PDE11A: variants seen among roughly 807,000 people sequenced by gnomAD.
The protein encoded by PDE11A is dual 3',5'-cyclic-AMP and -GMP phosphodiesterase 11A.
In PDE11A, 100 loss-of-function variants were observed where a neutral mutation model predicts 100.5. The ratio of observed to expected loss-of-function variants is 1.00; its 90% CI spans 0.85 to 1.18. PDE11A has a LOEUF of 1.18. PDE11A is among the 50% of genes most tolerant of loss of function. PDE11A has a pLI of 0.00. For missense variants in PDE11A, 1,141 were observed against 1,152.6 expected (o/e 0.99, Z 0.15); for synonymous variants, 381 against 420.8 (o/e 0.91, Z 1.16).
At chr2:177,861,828 T>A (rs947975970) in intron 5 of PDE11A, among the ~76,000 whole-genome samples, 4 of 151,902 alleles carry the variant, frequency 2.6e-5, no homozygotes, top group Non-Finnish European at 4.4e-5. Flanking sequence ...AGGAATAGTC[T>A]TTTCAACAAA....
At chr2:177,945,344 C>T (rs539004660) in intron 2 of PDE11A, among the ~76,000 whole-genome samples, 44 of 145,806 alleles carry the variant, frequency 3.0e-4, no homozygotes, top group Non-Finnish European at 4.9e-4. Context: ...GGAGCGTCTC[C>T]GCCCGGCCGC....
chr2:177,701,645 G>C (rs569756031), intron 13 of PDE11A, among the ~76,000 whole-genome samples: 1 of 152,276 alleles, frequency 6.6e-6, no homozygotes, highest in South Asian at 2.1e-4. Context: ...CGGGGATCAG[G>C]GAAGCTTCAT....
At chr2:177,727,123 G>C (rs185345219) in intron 12 of PDE11A, among the ~76,000 whole-genome samples, 201 of 152,092 alleles carry the variant, frequency 1.3e-3, no homozygotes, top group Admixed American at 4.3e-3. Context: ...ACCATCACTG[G>C]GTTAAAACCC....
At chr2:177,740,271 A>G (rs541592760) in intron 10 of PDE11A, among the ~76,000 whole-genome samples, 1 of 152,324 alleles carries the variant, frequency 6.6e-6, no homozygotes, top group South Asian at 2.1e-4. Context: ...AGGTCAGTGA[A>G]GATATTCATA....
chr2:177,731,762 G>A lies in PDE11A; in HGVS notation c.1789-3590C>T, dbSNP rs554001950. Among the ~76,000 whole-genome samples the A allele has an allele frequency of 7.7e-4, 117 of 152,256 alleles. 2 individuals are homozygous for A. Among genetic ancestry groups the A allele is most frequent in the African/African-American group, 2.8e-3 (116 of 41,536 alleles). On this transcript the variant is annotated intron_variant, in intron 10 of 19. Coordinates refer to ENST00000286063, the MANE Select transcript of PDE11A (RefSeq NM_016953.4). ...AGTCAATTCCTGAGCTATCTGTGGG[G>A]AGGAGTCTATGGTATAAATCTGCTT... is the stretch of plus-strand genomic sequence containing the variant.
chr2:178,089,170 C>T (rs113815811), intron 2 of PDE11A, among the ~76,000 whole-genome samples: 5,475 of 152,082 alleles, frequency 0.036, 154 homozygotes, highest in Middle Eastern at 0.13. Flanking sequence ...AGATAAAGGT[C>T]GAGAAAGGGA....
intron 2 of PDE11A, among the ~76,000 whole-genome samples, chr2:177,926,501 A>G (rs1465930483): frequency 6.6e-6 from 1 of 152,194 alleles, no homozygotes; most frequent in Non-Finnish European, 1.5e-5. Context: ...ATAGAACTCA[A>G]ATAAGCAAGT....
At chr2:178,088,766 T>C (rs374066695) in intron 2 of PDE11A, among the ~76,000 whole-genome samples, 1 of 152,202 alleles carries the variant, frequency 6.6e-6, no homozygotes, top group East Asian at 1.9e-4. Context: ...ATTCTCCTGG[T>C]TCCTGTTAAC....
At chr2:177,862,410 C>T (rs774073692) in intron 5 of PDE11A, among the ~76,000 whole-genome samples, 3 of 151,838 alleles carry the variant, frequency 2.0e-5, no homozygotes, top group Non-Finnish European at 4.4e-5. Context: ...GTACAATTAT[C>T]TCTATTTGCA....
intron 1 of PDE11A, among the ~76,000 whole-genome samples, chr2:178,042,935 C>T (rs1008594452): frequency 2.0e-5 from 3 of 152,078 alleles, no homozygotes; most frequent in East Asian, 1.9e-4. Context: ...TGGTGGGAGG[C>T]GAGGGACAGC....
At chr2:177,717,876 C>T (rs1279804042) in intron 12 of PDE11A, among the ~76,000 whole-genome samples, 1 of 152,134 alleles carries the variant, frequency 6.6e-6, no homozygotes, top group African/African-American at 2.4e-5. Flanking sequence ...TTTAAATCAG[C>T]CAGGATGTAC....
intron 10 of PDE11A, among the ~76,000 whole-genome samples, chr2:177,759,037 T>C (rs2082135099): frequency 6.6e-6 from 1 of 152,204 alleles, no homozygotes; most frequent in Non-Finnish European, 1.5e-5. Flanking sequence ...CCAAAGTGCT[T>C]CATCTCAGAC....
intron 6 of PDE11A, among the ~76,000 whole-genome samples, chr2:177,832,194 T>G (rs2083321475): frequency 6.6e-6 from 1 of 152,228 alleles, no homozygotes; most frequent in Non-Finnish European, 1.5e-5. Context: ...AGTGTTAACT[T>G]GATTGGATTC....
chr2:177,654,421 T>A (rs1284013372), intron 19 of PDE11A, among the ~76,000 whole-genome samples: 1 of 151,978 alleles, frequency 6.6e-6, no homozygotes, highest in African/African-American at 2.4e-5. Context: ...CTCAGGAGGC[T>A]GAGGTGGGAG....
At position 177,946,962 on chromosome 2, in the gene PDE11A, T is replaced by TG. The variant is rs1369793047; in HGVS notation, c.1072-41776dup. On this transcript the variant is annotated intron_variant, in intron 2 of 19. Transcript: ENST00000286063. ...CCAGCCGCCCCGTCCGGGAGGGAGG[T>TG]GGGGGGGTCAGCCCCCCGCCCGGCC... Among the ~76,000 whole-genome samples the TG allele has an allele frequency of 3.5e-4, 20 of 56,536 alleles. 1 individual carries two copies. The highest frequency in any genetic ancestry group is 3.3e-3 in the East Asian group (5 of 1,526). 37.1% of individuals were successfully genotyped at this position (56,536 alleles called of 152,430 possible).
chr2:178,056,539 T>C (rs1318900854), intron 1 of PDE11A, among the ~76,000 whole-genome samples: 2 of 152,224 alleles, frequency 1.3e-5, no homozygotes, highest in African/African-American at 2.4e-5. Flanking sequence ...AAGGTCCTTT[T>C]TACATTGCAA....
intron 2 of PDE11A, among the ~76,000 whole-genome samples, chr2:177,932,129 A>C (rs997262297): frequency 1.3e-5 from 2 of 152,104 alleles, no homozygotes; most frequent in Admixed American, 6.6e-5. Context: ...ATTGAAACAC[A>C]AAACAGACCA....
At chr2:178,081,416 A>T (rs2087283679) in intron 2 of PDE11A, among the ~76,000 whole-genome samples, 1 of 152,254 alleles carries the variant, frequency 6.6e-6, no homozygotes, top group Non-Finnish European at 1.5e-5. Context: ...AAAATTGAGC[A>T]AATTATTCAA....
At chr2:177,943,939 T>C (rs377592653) in intron 2 of PDE11A, among the ~76,000 whole-genome samples, 1 of 152,236 alleles carries the variant, frequency 6.6e-6, no homozygotes, top group South Asian at 2.1e-4. Context: ...ATTCTTTGCA[T>C]GTCGATGTTC....
Sources: allele counts gnomAD v4.1 joint callset (sites outside exome capture counted in the v4.1 genomes callset), GRCh38; gene constraint gnomAD v4.1.1; transcripts MANE v1.5; gene names NCBI Gene and HGNC (gene_info 2026-07-23, HGNC 2026-07-21).